Variants in CCDC32 observed in about 807,000 individuals in gnomAD.
CCDC32 encodes the protein coiled-coil domain-containing protein 32.
A neutral mutation model predicts 20.1 loss-of-function variants in CCDC32; 9 were observed. The observed-to-expected ratio is 0.45, with a 90% confidence interval of 0.27 to 0.78. The LOEUF is 0.78. CCDC32 is among the 30% of genes least tolerant of loss of function. CCDC32 has a pLI of 0.16. For synonymous variants in CCDC32, 63 were observed against 79.0 expected, an observed-to-expected ratio of 0.80 and a Z score of 1.07; for missense variants, 204 against 215.5, an observed-to-expected ratio of 0.95 and a Z score of 0.33.
chr15:40,535,073 G>C, downstream of CCDC32: 1 of 766,436 alleles, frequency 1.3e-6, no homozygotes, highest in East Asian at 2.7e-5. Flanking sequence ...GGAGGGTCTT[G>C]ACTGCTAAGC....
chr15:40,559,563 C>T (rs1890481680), intron 2 of CCDC32, among the ~76,000 whole-genome samples: 1 of 152,242 alleles, frequency 6.6e-6, no homozygotes, highest in South Asian at 2.1e-4. Flanking sequence ...GCTATCCTAT[C>T]TTTGGTGGCT....
chr15:40,539,284 G>A, exon 4 of CCDC32: 2 of 1,535,602 alleles, frequency 1.3e-6, no homozygotes, highest in Non-Finnish European at 8.7e-7. Context: ...CCTCTGCTCA[G>A]CACACTGGTG....
downstream of CCDC32, chr15:40,553,052 A>G: frequency 2.2e-6 from 2 of 929,614 alleles, no homozygotes; most frequent in Non-Finnish European, 1.3e-6. Context: ...CTGCCTGGGA[A>G]CATCCTTCCA....
intron 1 of CCDC32, chr15:40,564,720 C>A: frequency 6.2e-7 from 1 of 1,614,086 alleles, no homozygotes; most frequent in Non-Finnish European, 8.5e-7. Context: ...AGTGAACCCC[C>A]AACCCGAATT....
chr15:40,530,486 T>C (rs1888839428), downstream of CCDC32, among the ~76,000 whole-genome samples: 1 of 146,146 alleles, frequency 6.8e-6, no homozygotes, highest in Non-Finnish European at 1.5e-5. Context: ...TCTCTCTCTC[T>C]CCCTCTCTCT....
At chr15:40,564,880 G>T in intron 1 of CCDC32, 96 bp downstream of exon 1, 1 of 1,465,414 alleles carries the variant, frequency 6.8e-7, no homozygotes, top group Non-Finnish European at 9.5e-7. Flanking sequence ...TGTCTGGACG[G>T]GATGAATCAG....
chr15:40,564,796 G>A (rs200740418), intron 1 of CCDC32, 180 bp downstream of exon 1: 83 of 1,614,078 alleles, frequency 5.1e-5, no homozygotes, highest in Non-Finnish European at 6.2e-5. Flanking sequence ...CTTACCCCAG[G>A]GCAGGGCGTC....
At chr15:40,539,160 C>T (rs1376728214), downstream of CCDC32, 7 of 1,249,182 alleles carry the variant, frequency 5.6e-6, no homozygotes, top group South Asian at 7.7e-5. Flanking sequence ...CTCCCCAGCT[C>T]CCGCTCAAAC....
downstream of CCDC32, among the ~76,000 whole-genome samples, chr15:40,551,755 T>C (rs1889875317): frequency 7.2e-6 from 1 of 138,282 alleles, no homozygotes; most frequent in African/African-American, 2.8e-5. Context: ...TGCAGTGAGC[T>C]GAGACCGTGC....
rs1402391570 is a variant in CCDC32 at position 40,557,347 on chromosome 15, A to G, written c.270T>C (p.Gly90=). The G allele has an allele frequency of 6.2e-7, 1 of 1,613,310 alleles. No homozygotes were observed. Among genetic ancestry groups the G allele is most frequent in the South Asian group, 1.1e-5 (1 of 90,862 alleles). Residue 90 remains glycine (G), a synonymous_variant, in exon 3 of 4, where the codon GGT becomes GGC. Transcript: ENST00000416810. ...CCTTGGAAGTCACTTCCTGATTTAA[A>G]CCTTTGATTCTTCTTAGCTTCTTCT... ...SLEKKLRRIK[G]LNQEVTSKDM... is the part of the protein sequence containing the mutation.
At position 40,562,988 on chromosome 15, in the gene CCDC32, T is replaced by C. The variant is rs1431169552; in HGVS notation, c.28A>G (p.Thr10Ala). The change falls in exon 2 of 4, where the codon ACA (threonine) becomes GCA (alanine). Residue 10 changes from threonine to alanine, a missense_variant. By Grantham distance (58) the Thr-to-Ala change is moderately conservative. Transcript: ENST00000416810. Reference protein sequence around the residue: MKMFESADSTATRSGQDLWA... With the variant: MKMFESADSAATRSGQDLWA... Reference sequence around the variant, plus strand: ...AGATCCTGGCCAGATCTTGTGGCTGTAGAGTCAGCGCTCTCAAACATTTTC... The same window carrying C: ...AGATCCTGGCCAGATCTTGTGGCTGCAGAGTCAGCGCTCTCAAACATTTTC... 1.9e-6 allele frequency: 3 copies of C among 1,614,064 alleles called. No individual in the cohort carries two copies. Among genetic ancestry groups the C allele is most frequent in the African/African-American group, 1.3e-5 (1 of 74,940 alleles).
At chr15:40,549,181 C>T (rs1428535580), downstream of CCDC32, among the ~76,000 whole-genome samples, 2 of 152,160 alleles carry the variant, frequency 1.3e-5, no homozygotes, top group African/African-American at 4.8e-5. Context: ...TAAAATCAGC[C>T]ATTAGCTCCC....
chr15:40,530,850 T>A (rs985710296), downstream of CCDC32, among the ~76,000 whole-genome samples: 32 of 151,152 alleles, frequency 2.1e-4, no homozygotes, highest in African/African-American at 6.8e-4. Flanking sequence ...TAGCTGGGAT[T>A]ATAGGCGTGC....
At chr15:40,521,773 A>G in the CCDC32 span, among the ~76,000 whole-genome samples, 49 of 152,304 alleles carry the variant, frequency 3.2e-4, 1 homozygote, top group Middle Eastern at 6.8e-3. Flanking sequence ...AGCTATGTCT[A>G]TTCAGATCCT....
intron 3 of CCDC32, among the ~76,000 whole-genome samples, chr15:40,540,551 T>TA (rs1292242768): frequency 6.6e-6 from 1 of 151,814 alleles, no homozygotes; most frequent in Admixed American, 6.6e-5. Flanking sequence ...GTATTTTTAG[T>TA]AGAAACAGGG....
downstream of CCDC32, among the ~76,000 whole-genome samples, chr15:40,532,526 T>C (rs1306110952): frequency 6.6e-6 from 1 of 152,140 alleles, no homozygotes; most frequent in Non-Finnish European, 1.5e-5. Context: ...CATGAGCCCA[T>C]CATCTTGTCT....
At chr15:40,543,238 A>C (rs1304263442) in intron 3 of CCDC32, among the ~76,000 whole-genome samples, 1 of 152,158 alleles carries the variant, frequency 6.6e-6, no homozygotes, top group African/African-American at 2.4e-5. Context: ...TAACCTCCCC[A>C]GTGGTCATGA....
intron 3 of CCDC32, among the ~76,000 whole-genome samples, chr15:40,554,502 A>G (rs2141634683): frequency 6.6e-6 from 1 of 152,318 alleles, no homozygotes; most frequent in East Asian, 1.9e-4. Flanking sequence ...AAACACTCAA[A>G]TAAATACCAA....
At chr15:40,560,759 A>T (rs560313342) in intron 2 of CCDC32, among the ~76,000 whole-genome samples, 1 of 152,354 alleles carries the variant, frequency 6.6e-6, no homozygotes, top group African/African-American at 2.4e-5. Context: ...GAATCCTTAT[A>T]CACTGCTGAT....
Sources: gnomAD v4.1 joint callset for allele counts (sites outside exome capture counted in the v4.1 genomes callset) on GRCh38, gnomAD v4.1.1 for gene constraint, MANE v1.5 for transcripts, NCBI Gene and HGNC (gene_info 2026-07-23, HGNC 2026-07-21) for gene names.